Variants in TATDN2 observed in about 807,000 individuals in gnomAD.
TATDN2 encodes the protein 3'-5' RNA nuclease TATDN2.
Under a neutral mutation model 60.3 loss-of-function variants are expected in TATDN2, and 44 were observed. That is an observed-to-expected ratio of 0.73 (90% confidence interval 0.57 to 0.94). The LOEUF is 0.94. Ranked by LOEUF, TATDN2 falls within the 40% of genes least tolerant of loss-of-function variation. TATDN2 has a pLI of 0.00. For synonymous variants in TATDN2, 399 were observed against 355.8 expected (o/e 1.12, Z -1.37); for missense variants, 997 against 948.0 (o/e 1.05, Z -0.68).
chr3:10,259,500 G>T (rs1237875058), intron 2 of TATDN2, among the ~76,000 whole-genome samples: 1 of 152,208 alleles, frequency 6.6e-6, no homozygotes, highest in African/African-American at 2.4e-5. Context: ...GAGTGAGTGG[G>T]TGCAAGAGGG....
intron 2 of TATDN2, among the ~76,000 whole-genome samples, chr3:10,251,837 A>G (rs1698236034): frequency 6.7e-6 from 1 of 148,246 alleles, no homozygotes; most frequent in Non-Finnish European, 1.5e-5. Flanking sequence ...ATGTGCCACC[A>G]CACCCTGCAG....
chr3:10,278,165 G>A lies in TATDN2; in HGVS notation c.1962-114G>A. 1.6e-6 allele frequency: 2 copies of A among 1,251,966 alleles called. No individual in the cohort carries two copies. Among genetic ancestry groups the A allele is most frequent in the African/African-American group, 3.0e-5 (2 of 66,886 alleles). The allele number at this position is 1,251,966 out of a possible 1,614,324, so 77.6% of individuals were successfully genotyped here. ...TGTTTACTGTGGAGTCCTTCCCTAGGATGCAGTCTTTCCATTTCTGGGAAT... is the reference window on the plus strand; with the variant it reads ...TGTTTACTGTGGAGTCCTTCCCTAGAATGCAGTCTTTCCATTTCTGGGAAT... On this transcript the variant is annotated intron_variant, in intron 5 of 7. Coordinates refer to ENST00000448281, the MANE Select transcript of TATDN2 (RefSeq NM_014760.4). This position sits in a 1 kb window ranked among gnomAD's most constrained non-coding sequence, Gnocchi z 4.7.
rs1239448129 is a variant in TATDN2, at chr3:10,270,168, C to T, written c.986C>T (p.Ser329Phe). ...DREVVMEHPS[S>F]GSDWSDVEEI... ...GAGGTGGTGATGGAGCACCCCTCTT[C>T]TGGAAGTGACTGGTCTGATGTTGAG... is the stretch of plus-strand genomic sequence containing the variant. Residue 329 changes from serine to phenylalanine, a missense_variant, in exon 4 of 8, where the codon TCT (serine) becomes TTT (phenylalanine). By Grantham distance (155) the Ser-to-Phe change is radical. Transcript: ENST00000448281. 3 of 1,613,948 alleles carry T rather than the reference C, an allele frequency of 1.9e-6. No individual in the cohort carries two copies. Among genetic ancestry groups the T allele is most frequent in the Admixed American group, 1.7e-5 (1 of 60,004 alleles).
intron 4 of TATDN2, among the ~76,000 whole-genome samples, chr3:10,275,814 T>G (rs1378342590): frequency 2.0e-5 from 3 of 152,128 alleles, no homozygotes; most frequent in Admixed American, 6.5e-5. Context: ...AGTATTTGTT[T>G]CTTTAACAAA....
intron 3 of TATDN2, among the ~76,000 whole-genome samples, 159 bp from the exon 4 acceptor site, chr3:10,269,972 T>G (rs1209113935): frequency 6.6e-6 from 1 of 152,102 alleles, no homozygotes; most frequent in Non-Finnish European, 1.5e-5. Flanking sequence ...TTCTGGAAAT[T>G]GTAAGGAAAC....
chr3:10,270,066 A>G, intron 3 of TATDN2, 65 bp from the exon 4 acceptor site: 1 of 1,544,686 alleles, frequency 6.5e-7, no homozygotes, highest in Non-Finnish European at 8.7e-7. Context: ...TCAGCTGATG[A>G]CAGCCTGGGA....
At chr3:10,258,264 A>G (rs1376538077) in intron 2 of TATDN2, among the ~76,000 whole-genome samples, 1 of 151,476 alleles carries the variant, frequency 6.6e-6, no homozygotes, top group Non-Finnish European at 1.5e-5. Flanking sequence ...CTTATAATAT[A>G]AGCACCTAAG....
At chr3:10,266,727 T>G (rs2544003) in intron 3 of TATDN2, among the ~76,000 whole-genome samples, 152,313 of 152,332 alleles carry the variant, frequency 1, 76,147 homozygotes, top group Middle Eastern at 1. Context: ...CCATCAGGCA[T>G]GGTGTTGTTC....
Position 10,276,437 on chromosome 3 carries a change from A to T in TATDN2, c.1910A>T (p.Asp637Val). ...LVIHCREADE[D>V]LLEIMKKFVP... ...ATCCACTGCCGAGAAGCTGATGAAG[A>T]TCTGCTAGAAATCATGAAAAAGTTT... Residue 637 changes from aspartate to valine, a missense_variant, in exon 5 of 8, where the codon GAT becomes GTT. Asp to Val is a radical substitution (Grantham distance 152). Coordinates refer to ENST00000448281, the MANE Select transcript of TATDN2 (RefSeq NM_014760.4). 2 of 1,614,070 alleles carry T rather than the reference A, an allele frequency of 1.2e-6. No homozygotes were observed. Among genetic ancestry groups the T allele is most frequent in the Non-Finnish European group, 1.7e-6 (2 of 1,179,986 alleles).
chr3:10,271,268 A>G (rs536957148), intron 4 of TATDN2, among the ~76,000 whole-genome samples: 2 of 152,302 alleles, frequency 1.3e-5, no homozygotes, highest in African/African-American at 2.4e-5. Context: ...TCAATGTCAA[A>G]ACATTTGTTT....
rs756152536 is a variant in TATDN2 at position 10,270,448 on chromosome 3, C to A, written c.1266C>A (p.Asn422Lys). 1.9e-6 allele frequency: 3 copies of A among 1,614,244 alleles called. No homozygotes were observed. The South Asian group carries it at 3.3e-5, about 18-fold the overall frequency. Residue 422 changes from asparagine to lysine, a missense_variant, in exon 4 of 8, where the codon AAC becomes AAA. By Grantham distance (94) the Asn-to-Lys change is moderately conservative. Transcript: ENST00000448281. ...SRSRMSDYSP[N>K]STGSVQNTSR... ...GCCGCATGAGTGATTATTCCCCCAA[C>A]TCTACAGGGAGTGTCCAAAACACCT...
chr3:10,271,913 G>C (rs1355368200), intron 4 of TATDN2, among the ~76,000 whole-genome samples: 1 of 151,374 alleles, frequency 6.6e-6, no homozygotes, highest in Non-Finnish European at 1.5e-5. Context: ...ATTTTTAGTA[G>C]AGGTGGGGTT....
chr3:10,260,733 T>C (rs2125174720), intron 3 of TATDN2, 63 bp downstream of exon 3: 1 of 1,539,366 alleles, frequency 6.5e-7, no homozygotes, highest in Middle Eastern at 1.8e-4. Context: ...TGTTCCATCT[T>C]TCTAGTTTGA....
intron 4 of TATDN2, among the ~76,000 whole-genome samples, chr3:10,274,336 G>A (rs1293488095): frequency 6.6e-6 from 1 of 152,202 alleles, no homozygotes; most frequent in Non-Finnish European, 1.5e-5. Context: ...CAGTTGCACA[G>A]TGGCTTGTCT....
chr3:10,270,445 C>G lies in TATDN2; in HGVS notation c.1263C>G (p.Pro421=). 6.2e-7 allele frequency: 1 copy of G among 1,614,190 alleles called. No individual in the cohort carries two copies. Among genetic ancestry groups the G allele is most frequent in the Non-Finnish European group, 8.5e-7 (1 of 1,180,038 alleles). The change falls in exon 4 of 8, where the codon CCC becomes CCG. Residue 421 remains proline, a synonymous_variant. Coordinates refer to ENST00000448281, the MANE Select transcript of TATDN2 (RefSeq NM_014760.4). ...GGAGCCGCATGAGTGATTATTCCCC[C>G]AACTCTACAGGGAGTGTCCAAAACA... ...SSRSRMSDYS[P]NSTGSVQNTS...
In TATDN2 at chr3:10,249,539, G is replaced by C; in HGVS notation, c.339G>C (p.Gly113=). 3.1e-6 allele frequency: 5 copies of C among 1,593,750 alleles called. No homozygotes were observed. The highest frequency in any genetic ancestry group is 1.7e-4 in the Middle Eastern group (1 of 5,938). Residue 113 remains glycine (G), a synonymous_variant, in exon 2 of 8, where the codon GGG becomes GGC. Transcript: ENST00000448281. ...IRNTRGFLSS[G]GSPLRPANAS... The stretch of plus-strand genomic sequence containing the variant: ...ACACTCGGGGGTTCCTGTCTTCAGG[G>C]GGATCCCCTCTGCGTCCTGCCAACG...
rs1698176968 is a variant in TATDN2, at chr3:10,248,999, T to A, written c.-75T>A. 1 of 539,096 alleles carries A rather than the reference T, an allele frequency of 1.9e-6. No individual in the cohort carries two copies. Among genetic ancestry groups the A allele is most frequent in the Non-Finnish European group, 2.9e-6 (1 of 350,340 alleles). 33.4% of individuals were successfully genotyped at this position (539,096 alleles called of 1,614,324 possible). A position where few individuals can be genotyped will look rare whatever the true frequency, so the allele number is the denominator to read the frequency against. On this transcript the variant is annotated 5_prime_UTR_variant, in exon 1 of 8. Coordinates refer to ENST00000448281, the MANE Select transcript of TATDN2 (RefSeq NM_014760.4). ...TTAGTCAATTTTGGATCGCTTTGAC[T>A]TCTCCAACACGGTTTGGCATCTCTG...
intron 5 of TATDN2, among the ~76,000 whole-genome samples, chr3:10,277,462 G>T (rs1698655623): frequency 6.6e-6 from 1 of 152,170 alleles, no homozygotes. Flanking sequence ...CCAGCCAGAA[G>T]ACTCAGGAGG....
At chr3:10,252,260 A>G (rs1698242813) in intron 2 of TATDN2, among the ~76,000 whole-genome samples, 1 of 150,320 alleles carries the variant, frequency 6.7e-6, no homozygotes, top group African/African-American at 2.5e-5. Flanking sequence ...TTGTCCTCCC[A>G]AAGCGCTGGG....
Sources: gnomAD v4.1 joint callset for allele counts (sites outside exome capture counted in the v4.1 genomes callset) on GRCh38, gnomAD v4.1.1 for gene constraint, Gnocchi (gnomAD v3.1) non-coding constraint, MANE v1.5 for transcripts, NCBI Gene and HGNC (gene_info 2026-07-23, HGNC 2026-07-21) for gene names.